The following FHIP1A variants were observed in gnomAD, a reference collection of about 807,000 sequenced individuals.
FHIP1A encodes FHF complex subunit HOOK-interacting protein 1A.
Under a neutral mutation model 88.6 loss-of-function variants are expected in FHIP1A, and 61 were observed. The ratio of observed to expected loss-of-function variants is 0.69; its 90% CI spans 0.56 to 0.85. FHIP1A has a LOEUF of 0.85. FHIP1A is among the 40% of genes least tolerant of loss of function. The pLI, the probability that FHIP1A is intolerant of heterozygous loss-of-function variation, is 0.00. For synonymous variants in FHIP1A, 478 were observed against 496.0 expected (o/e 0.96, Z 0.48); for missense variants, 1,154 against 1,273.5 (o/e 0.91, Z 1.43).
intron 3 of FHIP1A, among the ~76,000 whole-genome samples, chr4:151,539,170 G>A (rs138074022): frequency 6.6e-6 from 1 of 152,350 alleles, no homozygotes; most frequent in East Asian, 1.9e-4. Flanking sequence ...GAAAGCCACA[G>A]ATATTCCCTC....
intron 2 of FHIP1A, among the ~76,000 whole-genome samples, chr4:151,476,495 C>G (rs1365250290): frequency 6.6e-6 from 1 of 152,024 alleles, no homozygotes; most frequent in Non-Finnish European, 1.5e-5. Context: ...TAGGAAAATA[C>G]CCTTAGCAAA....
chr4:151,462,848 T>A (rs910984335), intron 2 of FHIP1A, among the ~76,000 whole-genome samples: 8 of 152,202 alleles, frequency 5.3e-5, no homozygotes, highest in African/African-American at 1.4e-4. Flanking sequence ...CAGACAATAG[T>A]CTTTTCTGGA....
chr4:151,544,990 A>G (rs1732435827), intron 3 of FHIP1A, among the ~76,000 whole-genome samples: 1 of 152,132 alleles, frequency 6.6e-6, no homozygotes, highest in South Asian at 2.1e-4. Context: ...TGGGAGGACC[A>G]CTTGAGCCCT....
chr4:151,580,130 A>G (rs770466079), intron 5 of FHIP1A, among the ~76,000 whole-genome samples: 12 of 152,196 alleles, frequency 7.9e-5, no homozygotes, highest in Non-Finnish European at 1.5e-4. Context: ...AAAGATATCC[A>G]TCTAGCTATC....
At chr4:151,536,375 G>A (rs1332534383) in intron 3 of FHIP1A, among the ~76,000 whole-genome samples, 1 of 152,124 alleles carries the variant, frequency 6.6e-6, no homozygotes, top group Non-Finnish European at 1.5e-5. Flanking sequence ...TACCACCAAA[G>A]TCAACATATT....
intron 7 of FHIP1A, among the ~76,000 whole-genome samples, chr4:151,610,706 A>G (rs1735288971): frequency 6.6e-6 from 1 of 152,042 alleles, no homozygotes; most frequent in South Asian, 2.1e-4. Context: ...TATTCCAACT[A>G]CATTTATCCA....
chr4:151,628,503 A>T (rs945466680), intron 7 of FHIP1A, among the ~76,000 whole-genome samples: 7 of 152,230 alleles, frequency 4.6e-5, no homozygotes, highest in Admixed American at 1.3e-4. Flanking sequence ...AAAAGCCGAA[A>T]ATTAAAAGGG....
chr4:151,434,076 C>T (rs1396274877), intron 1 of FHIP1A, among the ~76,000 whole-genome samples: 4 of 152,126 alleles, frequency 2.6e-5, no homozygotes, highest in Non-Finnish European at 5.9e-5. Context: ...ATCATGTTTA[C>T]GTTTTCACCT....
intron 3 of FHIP1A, among the ~76,000 whole-genome samples, chr4:151,561,270 C>T (rs570276939): frequency 4.6e-5 from 7 of 152,200 alleles, no homozygotes; most frequent in Admixed American, 2.0e-4. Flanking sequence ...AAATGATGGA[C>T]GTTTTACAGT....
chr4:151,425,928 G>C (rs1733354409), intron 1 of FHIP1A, among the ~76,000 whole-genome samples: 1 of 152,096 alleles, frequency 6.6e-6, no homozygotes, highest in Non-Finnish European at 1.5e-5. Context: ...TGCATTTAGG[G>C]CCTGCCTGGA....
chr4:151,537,002 G>A (rs1732094039), intron 3 of FHIP1A, among the ~76,000 whole-genome samples: 1 of 152,074 alleles, frequency 6.6e-6, no homozygotes, highest in African/African-American at 2.4e-5. Flanking sequence ...AGCTTCCTGA[G>A]TAGCTGGGAC....
chr4:151,456,086 A>G (rs924105056), intron 2 of FHIP1A, among the ~76,000 whole-genome samples: 3 of 152,200 alleles, frequency 2.0e-5, no homozygotes, highest in Non-Finnish European at 4.4e-5. Context: ...AAAAGCTGTT[A>G]AGGCACCAAA....
At chr4:151,516,782 C>G (rs1731255142) in intron 3 of FHIP1A, among the ~76,000 whole-genome samples, 1 of 151,568 alleles carries the variant, frequency 6.6e-6, no homozygotes. Context: ...GAATGGCAAT[C>G]ATTCAAAAGT....
chr4:151,499,711 A>G (rs926011065), intron 3 of FHIP1A, among the ~76,000 whole-genome samples: 3 of 152,182 alleles, frequency 2.0e-5, no homozygotes, highest in Non-Finnish European at 2.9e-5. Flanking sequence ...GAAACTTACA[A>G]TCGTCGTGGA....
Position 151,650,469 on chromosome 4 carries a change from G to T in FHIP1A, c.2428G>T (p.Asp810Tyr), listed in dbSNP as rs1431797324. ...GAAGGAGCTAGAAGATGAGGAGGAT[G>T]ACTTTGACTCTTTTATAGCGGAGAT... ...GKKELEDEED[D>Y]FDSFIAEMPA... The change falls in exon 11 of 14, where the codon GAC becomes TAC. Residue 810 changes from aspartate to tyrosine, a missense_variant. Transcript: ENST00000435205. 1 of 1,551,514 alleles carries T rather than the reference G, an allele frequency of 6.4e-7. No homozygotes were observed. The highest frequency in any genetic ancestry group is 1.4e-5 in the African/African-American group (1 of 73,046).
chr4:151,429,988 A>G (rs1467503578), intron 1 of FHIP1A, among the ~76,000 whole-genome samples: 1 of 152,190 alleles, frequency 6.6e-6, no homozygotes, highest in African/African-American at 2.4e-5. Flanking sequence ...TGTTATATGC[A>G]TGAAGGCAGT....
chr4:151,544,472 C>A, intron 3 of FHIP1A, among the ~76,000 whole-genome samples: 1 of 152,206 alleles, frequency 6.6e-6, no homozygotes, highest in African/African-American at 2.4e-5. Context: ...AACAGTCCAA[C>A]TTTGTCATTA....
intron 2 of FHIP1A, among the ~76,000 whole-genome samples, chr4:151,459,919 A>G (rs937010665): frequency 6.6e-5 from 10 of 152,164 alleles, no homozygotes; most frequent in Non-Finnish European, 1.2e-4. Context: ...AGCTTTTTGT[A>G]TATATATTTT....
intron 2 of FHIP1A, among the ~76,000 whole-genome samples, chr4:151,476,310 T>A (rs1363994118): frequency 6.6e-6 from 1 of 151,914 alleles, no homozygotes; most frequent in East Asian, 1.9e-4. Context: ...CCTGGCTAAT[T>A]TTTTTATTTC....
Sources: allele counts gnomAD v4.1 joint callset (sites outside exome capture counted in the v4.1 genomes callset), GRCh38; gene constraint gnomAD v4.1.1; transcripts MANE v1.5; gene names NCBI Gene and HGNC (gene_info 2026-07-23, HGNC 2026-07-21).